Variants in CSGALNACT1 observed in about 807,000 individuals in gnomAD.
CSGALNACT1 encodes chondroitin sulfate N-acetylgalactosaminyltransferase 1.
In CSGALNACT1, 52 loss-of-function variants were observed where a neutral mutation model predicts 51.0. The ratio of observed to expected loss-of-function variants is 1.02; its 90% confidence interval spans 0.82 to 1.29. The LOEUF is 1.29. Among genes scored for constraint, CSGALNACT1 ranks in the 50% most tolerant of loss-of-function variants. The probability of loss-of-function intolerance (pLI) is 0.00; values close to 1 mark genes in which losing one functional copy is unlikely to be tolerated. For missense variants in CSGALNACT1, 935 were observed against 679.2 expected (o/e 1.38, Z -4.19); for synonymous variants, 341 against 254.4 (o/e 1.34, Z -3.24).
chr8:19,442,422 G>A (rs1380770785), intron 5 of CSGALNACT1, among the ~76,000 whole-genome samples: 2 of 152,084 alleles, frequency 1.3e-5, no homozygotes, highest in Admixed American at 1.3e-4. Context: ...CCTTTGTAGG[G>A]ACATGGATGA....
At chr8:19,425,622 G>A (rs942864345) in intron 6 of CSGALNACT1, among the ~76,000 whole-genome samples, 7 of 152,108 alleles carry the variant, frequency 4.6e-5, no homozygotes, top group East Asian at 1.9e-4. Context: ...CCCTTTGTTC[G>A]TCCTCCTCCT....
At chr8:19,666,891 G>C (rs1194624343) in intron 1 of CSGALNACT1, among the ~76,000 whole-genome samples, 1 of 128,504 alleles carries the variant, frequency 7.8e-6, no homozygotes, top group Non-Finnish European at 1.6e-5. Flanking sequence ...GAAAGAGAGA[G>C]AGGAAGTGAG....
intron 6 of CSGALNACT1, among the ~76,000 whole-genome samples, chr8:19,427,764 G>C (rs2059004086): frequency 6.6e-6 from 1 of 151,946 alleles, no homozygotes; most frequent in South Asian, 2.1e-4. Context: ...CTCCAGCCTG[G>C]GCAACACAGC....
At chr8:19,658,981 A>G (rs2058534290) in intron 1 of CSGALNACT1, among the ~76,000 whole-genome samples, 1 of 152,204 alleles carries the variant, frequency 6.6e-6, no homozygotes, top group African/African-American at 2.4e-5. Context: ...GCTGTGAATA[A>G]CCAGCTTCAT....
chr8:19,468,842 C>A (rs2067353900), intron 4 of CSGALNACT1, among the ~76,000 whole-genome samples: 1 of 152,100 alleles, frequency 6.6e-6, no homozygotes, highest in Non-Finnish European at 1.5e-5. Context: ...ACTGTGTAAG[C>A]TGAAGCTGTG....
At chr8:19,632,979 G>C (rs1162567896) in intron 1 of CSGALNACT1, among the ~76,000 whole-genome samples, 1 of 150,112 alleles carries the variant, frequency 6.7e-6, no homozygotes, top group East Asian at 1.9e-4. Context: ...TGTTGCTCAG[G>C]CTGGTCTCAA....
At chr8:19,423,207 C>T (rs2058223352) in intron 6 of CSGALNACT1, among the ~76,000 whole-genome samples, 1 of 152,168 alleles carries the variant, frequency 6.6e-6, no homozygotes, top group Admixed American at 6.5e-5. Flanking sequence ...ATTAAATGAG[C>T]TGCGACATCA....
At chr8:19,434,002 C>A (rs1439401488) in intron 6 of CSGALNACT1, among the ~76,000 whole-genome samples, 1 of 152,140 alleles carries the variant, frequency 6.6e-6, no homozygotes, top group African/African-American at 2.4e-5. Context: ...GAGCTGGAGT[C>A]AGGGATGGGA....
intron 4 of CSGALNACT1, among the ~76,000 whole-genome samples, chr8:19,485,207 C>A (rs918768178): frequency 2.0e-5 from 3 of 152,110 alleles, no homozygotes; most frequent in Non-Finnish European, 4.4e-5. Context: ...CCCCATCCAG[C>A]GTCTTCCCAT....
At chr8:19,426,171 G>C (rs1385491495) in intron 6 of CSGALNACT1, among the ~76,000 whole-genome samples, 1 of 152,202 alleles carries the variant, frequency 6.6e-6, no homozygotes, top group African/African-American at 2.4e-5. Flanking sequence ...TGAACAAATG[G>C]AAAACACAGG....
intron 1 of CSGALNACT1, among the ~76,000 whole-genome samples, chr8:19,744,865 G>C (rs915759534): frequency 3.3e-5 from 5 of 152,084 alleles, no homozygotes; most frequent in Non-Finnish European, 7.4e-5. Flanking sequence ...TACTATACTT[G>C]CCACACTTTT....
exon 10 of CSGALNACT1, chr8:19,405,754 G>T (rs1408708638): frequency 1.9e-6 from 3 of 1,613,798 alleles, no homozygotes; most frequent in Non-Finnish European, 2.5e-6. Context: ...AAGAAAAAGT[G>T]TCTCCCACAA....
intron 1 of CSGALNACT1, among the ~76,000 whole-genome samples, chr8:19,657,455 G>C (rs1178937595): frequency 1.3e-5 from 2 of 152,136 alleles, no homozygotes; most frequent in Non-Finnish European, 2.9e-5. Flanking sequence ...AGTTGCAGAA[G>C]ATCCAATAAC....
intron 2 of CSGALNACT1, among the ~76,000 whole-genome samples, chr8:19,599,520 G>GAAAGAAAGAAAGAAAAGA (rs1554751495): frequency 1.6e-5 from 2 of 127,156 alleles, no homozygotes; most frequent in African/African-American, 5.8e-5. Context: ...AAGAAAGAAA[G>GAAAGAAAGAAAGAAAAGA]AAAGAAAAGA....
At chr8:19,496,319 C>A (rs1157527729) in intron 4 of CSGALNACT1, among the ~76,000 whole-genome samples, 2 of 152,152 alleles carry the variant, frequency 1.3e-5, no homozygotes, top group Non-Finnish European at 2.9e-5. Flanking sequence ...AAAAGTAAAT[C>A]TTCTAATAAG....
chr8:19,676,890 T>G (rs1462617626), intron 1 of CSGALNACT1, among the ~76,000 whole-genome samples: 1 of 152,142 alleles, frequency 6.6e-6, no homozygotes, highest in Non-Finnish European at 1.5e-5. Context: ...CAAACACTAC[T>G]GATAAATGAA....
chr8:19,657,240 G>GATAAACTGAAAA (rs2058361928), intron 1 of CSGALNACT1, among the ~76,000 whole-genome samples: 4 of 17,096 alleles, frequency 2.3e-4, no homozygotes, highest in Non-Finnish European at 4.7e-4. Context: ...ACTGAAAGAT[G>GATAAACTGAAAA]ATAAACTGAA....
chr8:19,645,931 G>A (rs887623921), intron 1 of CSGALNACT1, among the ~76,000 whole-genome samples: 4 of 151,990 alleles, frequency 2.6e-5, no homozygotes, highest in Non-Finnish European at 4.4e-5. Context: ...ATGGGTAAAC[G>A]GTAAAAAGAA....
intron 3 of CSGALNACT1, among the ~76,000 whole-genome samples, chr8:19,546,152 C>T (rs2086415055): frequency 6.6e-6 from 1 of 152,062 alleles, no homozygotes; most frequent in African/African-American, 2.4e-5. Flanking sequence ...TAGATATATG[C>T]AGATAAATTC....
Sources: gnomAD v4.1 joint callset for allele counts (sites outside exome capture counted in the v4.1 genomes callset) on GRCh38, gnomAD v4.1.1 for gene constraint, MANE v1.5 for transcripts, NCBI Gene and HGNC (gene_info 2026-07-23, HGNC 2026-07-21) for gene names.